The following PCP4 variants were observed in gnomAD, a reference collection of about 807,000 sequenced individuals.
PCP4 encodes the protein Purkinje cell protein 4.
Under a neutral mutation model 10.0 loss-of-function variants are expected in PCP4, and 8 were observed. The ratio of observed to expected loss-of-function variants is 0.80; its 90% CI spans 0.47 to 1.45. PCP4 has a LOEUF of 1.45. Among genes scored for constraint, PCP4 ranks in the 40% most tolerant of loss-of-function variants. The pLI is 0.00. For missense variants in PCP4, 54 were observed against 74.4 expected (o/e 0.73, Z 1.01); for synonymous variants, 21 against 23.0 (o/e 0.91, Z 0.24).
At chr21:39,914,653 CAG>C (rs2087560073) in intron 2 of PCP4, among the ~76,000 whole-genome samples, 1 of 151,186 alleles carries the variant, frequency 6.6e-6, no homozygotes, top group Non-Finnish European at 1.5e-5. Context: ...AGAAGAAACT[CAG>C]TGGGTTCAAG....
intron 1 of PCP4, among the ~76,000 whole-genome samples, chr21:39,878,046 C>A (rs1169461501): frequency 1.3e-5 from 2 of 151,716 alleles, no homozygotes; most frequent in African/African-American, 4.9e-5. Context: ...TTTCATCTTC[C>A]CAGCACTATA....
intron 2 of PCP4, among the ~76,000 whole-genome samples, 190 bp from the exon 3 acceptor site, chr21:39,928,794 G>A (rs1325910756): frequency 6.6e-6 from 1 of 152,076 alleles, no homozygotes; most frequent in Non-Finnish European, 1.5e-5. Flanking sequence ...TGCTCAGGTG[G>A]TAGATTCTGA....
intron 2 of PCP4, among the ~76,000 whole-genome samples, chr21:39,912,755 G>A (rs1465118384): frequency 2.0e-5 from 3 of 151,976 alleles, no homozygotes; most frequent in Non-Finnish European, 2.9e-5. Flanking sequence ...CTGTCTCCCA[G>A]GCTGGAGTGC....
intron 1 of PCP4, among the ~76,000 whole-genome samples, chr21:39,870,829 A>C (rs2087315979): frequency 6.6e-6 from 1 of 152,192 alleles, no homozygotes; most frequent in African/African-American, 2.4e-5. Context: ...CCCGAGTTTC[A>C]CGGTCATGGG....
intron 2 of PCP4, among the ~76,000 whole-genome samples, chr21:39,927,556 C>G (rs1222032751): frequency 1.0e-5 from 1 of 98,640 alleles, no homozygotes; most frequent in Non-Finnish European, 2.5e-5. Context: ...CCTGGTGACA[C>G]TCAGGAATAG....
At chr21:39,884,586 C>A (rs2087390958) in intron 1 of PCP4, among the ~76,000 whole-genome samples, 1 of 152,028 alleles carries the variant, frequency 6.6e-6, no homozygotes. Context: ...CACCTGAGGT[C>A]AGGAGTTCGA....
At position 39,920,279 on chromosome 21, in the gene PCP4, TGTGTGTG is replaced by T; in HGVS notation, c.62-8697_62-8691del. 2.7e-5 allele frequency among the ~76,000 whole-genome samples: 3 copies of T among 110,840 alleles called. No individual in the cohort carries two copies. In the East Asian group the frequency reaches 8.2e-4, roughly 30 times the overall value. 72.7% of individuals were successfully genotyped at this position (110,840 alleles called of 152,430 possible). A position where few individuals can be genotyped will look rare whatever the true frequency, so the allele number is the denominator to read the frequency against. On this transcript the variant is annotated intron_variant, in intron 2 of 2. Coordinates refer to ENST00000328619, the MANE Select transcript of PCP4 (RefSeq NM_006198.3). Reference sequence around the variant, plus strand: ...GGTGTGGTGTGTGTGTGTGGTGTAGTGTGTGTGGTGTGTGTGTGTGGTGTGTATTTGA... The same window carrying T: ...GGTGTGGTGTGTGTGTGTGGTGTAGTGTGTGTGTGTGTGGTGTGTATTTGA...
At chr21:39,901,293 T>C (rs1423749802) in intron 2 of PCP4, among the ~76,000 whole-genome samples, 3 of 152,242 alleles carry the variant, frequency 2.0e-5, no homozygotes, top group Non-Finnish European at 4.4e-5. Flanking sequence ...CCTTAAAGGA[T>C]GTAGGCACCC....
chr21:39,877,563 G>T (rs922096668), intron 1 of PCP4, among the ~76,000 whole-genome samples: 1 of 151,942 alleles, frequency 6.6e-6, no homozygotes, highest in African/African-American at 2.4e-5. Context: ...CGGGTGTGGT[G>T]GTGCATTCCT....
intron 2 of PCP4, among the ~76,000 whole-genome samples, chr21:39,902,023 A>G (rs2837282): frequency 0.55 from 84,058 of 151,982 alleles, 23,765 homozygotes; most frequent in African/African-American, 0.67. Context: ...TGGAATTTCC[A>G]TTTTAACCTA....
chr21:39,907,305 C>T (rs78779906), intron 2 of PCP4, among the ~76,000 whole-genome samples: 1,716 of 152,116 alleles, frequency 0.011, 28 homozygotes, highest in African/African-American at 0.038. Flanking sequence ...GAACATGCTT[C>T]GGACCCCGGG....
At chr21:39,923,756 A>G (rs1395229920) in intron 2 of PCP4, among the ~76,000 whole-genome samples, 1 of 152,230 alleles carries the variant, frequency 6.6e-6, no homozygotes, top group Non-Finnish European at 1.5e-5. Flanking sequence ...CAATCTGGAC[A>G]TGACAATGGC....
intron 1 of PCP4, among the ~76,000 whole-genome samples, chr21:39,897,646 C>T (rs1024746900): frequency 6.6e-6 from 1 of 152,028 alleles, no homozygotes; most frequent in African/African-American, 2.4e-5. Context: ...TTCTAGTTAA[C>T]CTGGTAAAAT....
intron 1 of PCP4, among the ~76,000 whole-genome samples, chr21:39,873,709 G>C (rs999284753): frequency 3.3e-5 from 5 of 152,098 alleles, no homozygotes; most frequent in African/African-American, 9.7e-5. Context: ...GGGCCTTTGG[G>C]GTATAGATAT....
At chr21:39,886,627 A>G (rs2087401882) in intron 1 of PCP4, among the ~76,000 whole-genome samples, 1 of 152,214 alleles carries the variant, frequency 6.6e-6, no homozygotes, top group Non-Finnish European at 1.5e-5. Flanking sequence ...AGTGACAAGT[A>G]TGAAATATGT....
chr21:39,871,532 TG>T (rs2087319967), intron 1 of PCP4, among the ~76,000 whole-genome samples: 1 of 152,172 alleles, frequency 6.6e-6, no homozygotes, highest in African/African-American at 2.4e-5. Flanking sequence ...CATTTGAGGG[TG>T]TACCTGCAGC....
At chr21:39,928,949 G>A (rs776000344) in intron 2 of PCP4, 35 bp from the exon 3 acceptor site, 1 of 1,601,266 alleles carries the variant, frequency 6.2e-7, no homozygotes, top group Non-Finnish European at 8.5e-7. Context: ...TTTCAGCTCA[G>A]TGATTGCCTT....
chr21:39,891,260 G>A (rs1018197299), intron 1 of PCP4, among the ~76,000 whole-genome samples: 2 of 152,206 alleles, frequency 1.3e-5, no homozygotes, highest in African/African-American at 2.4e-5. Context: ...GAGGACCCCC[G>A]TGGGTGGCTG....
intron 1 of PCP4, among the ~76,000 whole-genome samples, chr21:39,891,152 ATTGT>A (rs2087428710): frequency 6.6e-6 from 1 of 151,960 alleles, no homozygotes; most frequent in Non-Finnish European, 1.5e-5. Context: ...ATATGAAGGG[ATTGT>A]TTGTGATTTT....
Sources: gnomAD v4.1 joint callset for allele counts (sites outside exome capture counted in the v4.1 genomes callset) on GRCh38, gnomAD v4.1.1 for gene constraint, MANE v1.5 for transcripts, NCBI Gene and HGNC (gene_info 2026-07-23, HGNC 2026-07-21) for gene names.